Variants in PRKD3 observed in about 807,000 individuals in gnomAD.
The protein encoded by PRKD3 is serine/threonine-protein kinase D3.
A neutral mutation model predicts 99.2 loss-of-function variants in PRKD3; 47 were observed. That is an observed-to-expected ratio of 0.47 (90% CI 0.38 to 0.60). The LOEUF (loss-of-function observed/expected upper bound fraction) is 0.60, where lower values mean the gene tolerates loss of function less well. Among genes scored for constraint, PRKD3 ranks in the 20% least tolerant of loss-of-function variants. PRKD3 has a pLI of 0.00. For synonymous variants in PRKD3, 392 were observed against 355.4 expected (o/e 1.10, Z -1.16); for missense variants, 1,019 against 1,088.4 (o/e 0.94, Z 0.90).
chr2:37,254,571 T>C (rs138255475), intron 17 of PRKD3, among the ~76,000 whole-genome samples: 1,630 of 152,238 alleles, frequency 0.011, 15 homozygotes, highest in Middle Eastern at 0.017. Context: ...TTCTGCCACC[T>C]ACTAGCTGTG....
chr2:37,314,122 G>C (rs931712323), intron 2 of PRKD3, among the ~76,000 whole-genome samples: 1 of 152,080 alleles, frequency 6.6e-6, no homozygotes, highest in African/African-American at 2.4e-5. Context: ...GAAAAGATAA[G>C]AGAAAGTAGA....
chr2:37,299,139 T>C (rs940260719), intron 2 of PRKD3, among the ~76,000 whole-genome samples: 4 of 152,196 alleles, frequency 2.6e-5, no homozygotes, highest in Non-Finnish European at 4.4e-5. Flanking sequence ...GAAGTTTTCA[T>C]TGTGTTGAAT....
intron 6 of PRKD3, 58 bp downstream of exon 6, chr2:37,286,119 C>CTA: frequency 7.6e-7 from 1 of 1,323,364 alleles, no homozygotes. Flanking sequence ...TATTTTAAGC[C>CTA]TATATATAAT....
intron 17 of PRKD3, among the ~76,000 whole-genome samples, chr2:37,255,411 T>A (rs1259038079): frequency 1.3e-5 from 2 of 152,166 alleles, no homozygotes; most frequent in Non-Finnish European, 2.9e-5. Flanking sequence ...TTAAATAATG[T>A]TTTAAGTAGT....
intron 14 of PRKD3, among the ~76,000 whole-genome samples, chr2:37,261,018 T>C (rs983362753): frequency 2.6e-5 from 4 of 152,202 alleles, no homozygotes; most frequent in Non-Finnish European, 5.9e-5. Context: ...CAAAAACAAA[T>C]TCATGAAGTC....
intron 2 of PRKD3, among the ~76,000 whole-genome samples, chr2:37,307,414 C>A (rs569237194): frequency 6.6e-6 from 1 of 152,302 alleles, no homozygotes; most frequent in South Asian, 2.1e-4. Context: ...ACAATCTAAG[C>A]TAGTGGGATC....
At chr2:37,270,732 C>A (rs1669193547) in intron 12 of PRKD3, among the ~76,000 whole-genome samples, 1 of 152,140 alleles carries the variant, frequency 6.6e-6, no homozygotes, top group African/African-American at 2.4e-5. Flanking sequence ...TTTGTAAGAA[C>A]CATTTTTATA....
intron 5 of PRKD3, 107 bp downstream of exon 5, chr2:37,289,249 A>G (rs1489818110): frequency 8.4e-6 from 11 of 1,311,490 alleles, no homozygotes; most frequent in Non-Finnish European, 1.0e-5. Flanking sequence ...GTGTAGGAAC[A>G]TTACCATTCT....
intron 1 of PRKD3, chr2:37,317,826 A>G (rs982659923): frequency 6.6e-6 from 1 of 152,260 alleles, no homozygotes; most frequent in Non-Finnish European, 1.5e-5. Context: ...ACTAGGCCCA[A>G]CAATGCTTAG....
intron 7 of PRKD3, 86 bp downstream of exon 7, chr2:37,282,456 G>C (rs1334555098): frequency 1.1e-6 from 1 of 887,100 alleles, no homozygotes; most frequent in Admixed American, 2.3e-5. Context: ...AATAAATCAG[G>C]AAAACAGAAC....
chr2:37,263,387 A>G (rs748922780), intron 14 of PRKD3, among the ~76,000 whole-genome samples: 12 of 152,206 alleles, frequency 7.9e-5, no homozygotes, highest in Non-Finnish European at 1.6e-4. Flanking sequence ...TTTTGAATTA[A>G]TGAGGCATTC....
At chr2:37,263,462 G>T (rs1367920949) in intron 14 of PRKD3, among the ~76,000 whole-genome samples, 2 of 152,232 alleles carry the variant, frequency 1.3e-5, no homozygotes, top group East Asian at 3.9e-4. Flanking sequence ...TTTAGACCTT[G>T]TACGTTCTTA....
At chr2:37,276,553 A>G (rs1669579037) in intron 9 of PRKD3, among the ~76,000 whole-genome samples, 2 of 152,004 alleles carry the variant, frequency 1.3e-5, no homozygotes, top group African/African-American at 4.8e-5. Flanking sequence ...TTCACATCTT[A>G]TGGAATTAAC....
rs776329230 is a variant in PRKD3, at chr2:37,267,386, T to C, written c.1884+44A>G. The C allele has an allele frequency of 1.2e-5, 16 of 1,340,490 alleles. 1 individual carries two copies. The South Asian group carries it at 2.1e-4, about 17-fold the overall frequency. 83.0% of individuals were successfully genotyped at this position (1,340,490 alleles called of 1,614,324 possible). On this transcript the variant is annotated intron_variant, in intron 14 of 18. Transcript: ENST00000234179. ...AAGAGAAGCAGTTAATTCAGATTCT[T>C]ACCAGCCTCTTTAATAAACCAGTTT...
At chr2:37,303,250 A>G (rs548584664) in intron 2 of PRKD3, among the ~76,000 whole-genome samples, 3 of 152,096 alleles carry the variant, frequency 2.0e-5, no homozygotes, top group African/African-American at 7.2e-5. Context: ...CCCATCACTT[A>G]CCACCTTCAC....
chr2:37,317,474 T>C (rs1671714444), intron 1 of PRKD3, among the ~76,000 whole-genome samples: 1 of 133,260 alleles, frequency 7.5e-6, no homozygotes, highest in African/African-American at 3.8e-5. Flanking sequence ...CAAACACTTC[T>C]ATGTTACAAT....
intron 17 of PRKD3, among the ~76,000 whole-genome samples, chr2:37,256,133 T>C (rs1171565551): frequency 6.6e-6 from 1 of 152,196 alleles, no homozygotes; most frequent in East Asian, 1.9e-4. Context: ...CCTCGAATTT[T>C]AATAGGAAGG....
intron 14 of PRKD3, among the ~76,000 whole-genome samples, chr2:37,261,037 T>C (rs1668397324): frequency 6.6e-6 from 1 of 152,218 alleles, no homozygotes; most frequent in Admixed American, 6.5e-5. Context: ...TCAGCCTTGC[T>C]CAAACACCTT....
At chr2:37,257,041 A>AT in intron 16 of PRKD3, 112 bp from the exon 17 acceptor site, 1 of 1,141,894 alleles carries the variant, frequency 8.8e-7, no homozygotes, top group Non-Finnish European at 1.2e-6. Flanking sequence ...AGCTCTACTG[A>AT]TTATGAATAT....
Sources: gnomAD v4.1 joint callset for allele counts (sites outside exome capture counted in the v4.1 genomes callset) on GRCh38, gnomAD v4.1.1 for gene constraint, MANE v1.5 for transcripts, NCBI Gene and HGNC (gene_info 2026-07-23, HGNC 2026-07-21) for gene names.